Variants in TMEM18 observed in about 807,000 individuals in gnomAD.
TMEM18 encodes the protein transmembrane protein 18.
Under a neutral mutation model 17.4 loss-of-function variants are expected in TMEM18, and 14 were observed. The observed-to-expected ratio is 0.80, with a 90% CI of 0.53 to 1.25. TMEM18 has a LOEUF of 1.25. Among genes scored for constraint, TMEM18 ranks in the 50% most tolerant of loss-of-function variants. TMEM18 has a pLI of 0.00. For missense variants in TMEM18, 187 were observed against 172.1 expected, an observed-to-expected ratio of 1.09 and a Z score of -0.48; for synonymous variants, 86 against 66.1, an observed-to-expected ratio of 1.30 and a Z score of -1.46.
In TMEM18 at chr2:672,642, T is replaced by C. The variant is rs1306568155; in HGVS notation, c.233+166A>G. Among the ~76,000 whole-genome samples, 1 of 152,254 alleles carries C rather than the reference T, an allele frequency of 6.6e-6. No homozygotes were observed. Among genetic ancestry groups the C allele is most frequent in the Non-Finnish European group, 1.5e-5 (1 of 68,044 alleles). ...GGGCCACTGTGGCGCTGGTAAAGCA[T>C]TTACGGAGTCACCCTGGAGCCCACC... is the stretch of plus-strand genomic sequence containing the variant. On this transcript the variant is annotated intron_variant, in intron 3 of 4. Coordinates refer to ENST00000281017, the MANE Select transcript of TMEM18 (RefSeq NM_152834.4).
Position 670,102 on chromosome 2 carries a change from C to T in TMEM18, c.234-252G>A, listed in dbSNP as rs13430104. On this transcript the variant is annotated intron_variant, in intron 3 of 4. Coordinates refer to ENST00000281017, the MANE Select transcript of TMEM18 (RefSeq NM_152834.4). ...CCACCCAGCAGCACAGGAAAGACCC[C>T]GAGGCCTCCCCCAGCAGAGAGACGT... 2,285 of 442,108 alleles carry T rather than the reference C, an allele frequency of 5.2e-3. 12 individuals carry two copies. The highest frequency in any genetic ancestry group is 6.7e-3 in the Non-Finnish European group (1,672 of 248,596). The allele number at this position is 442,108 out of a possible 1,614,324, so 27.4% of individuals were successfully genotyped here.
intron 3 of TMEM18, chr2:670,070 GGA>G (rs1337832872): frequency 1.9e-6 from 1 of 525,540 alleles, no homozygotes; most frequent in Admixed American, 3.5e-5. Flanking sequence ...CACAGGACAG[GGA>G]GACACCACCC....
chr2:676,670 G>T (rs1298959634), intron 1 of TMEM18: 2 of 1,545,380 alleles, frequency 1.3e-6, no homozygotes, highest in Non-Finnish European at 1.7e-6. Context: ...TGGGGCGTGG[G>T]CTCCCCTGGG....
At chr2:676,722 C>G in intron 1 of TMEM18, 2 of 1,358,344 alleles carry the variant, frequency 1.5e-6, no homozygotes, top group Non-Finnish European at 2.0e-6. Flanking sequence ...CCCGCCCACA[C>G]TGGGCAGCGT....
rs1678791170 is a variant in TMEM18, at chr2:669,812, A to G, written c.272T>C (p.Met91Thr). 1 of 1,613,740 alleles carries G rather than the reference A, an allele frequency of 6.2e-7. No homozygotes were observed. The highest frequency in any genetic ancestry group is 1.3e-5 in the African/African-American group (1 of 74,916). The change falls in exon 4 of 5, where the codon ATG becomes ACG. Residue 91 changes from methionine (M) to threonine (T), a missense_variant. Physicochemically the swap from Met to Thr is moderately conservative, Grantham distance 81 (BLOSUM62 -1). Coordinates refer to ENST00000281017, the MANE Select transcript of TMEM18 (RefSeq NM_152834.4). ...GGCTGAAAATACTATAGAAATGAAC[A>G]TCCCCCTGGAGTCGAAATACTGGTA... Reference protein sequence around the residue: ...SKYQYFDSRGMFISIVFSAPL... With the variant: ...SKYQYFDSRGTFISIVFSAPL...
intron 1 of TMEM18, chr2:676,603 A>G: frequency 1.3e-6 from 2 of 1,550,352 alleles, no homozygotes; most frequent in South Asian, 2.4e-5. Context: ...AGGTGAGGGG[A>G]GCACGGCTTT....
chr2:671,138 G>A (rs187809707), intron 3 of TMEM18, among the ~76,000 whole-genome samples: 5 of 152,272 alleles, frequency 3.3e-5, no homozygotes, highest in East Asian at 1.9e-4. Context: ...TTTGTTAGAC[G>A]TCCTGGTGCC....
chr2:677,052 C>T (rs1572415392), intron 1 of TMEM18: 2 of 390,584 alleles, frequency 5.1e-6, no homozygotes, highest in South Asian at 5.6e-5. Context: ...CGCGCCCCGA[C>T]GCCCGGCCCC....
chr2:676,251 T>G (rs1458019133), intron 1 of TMEM18: 1 of 1,427,834 alleles, frequency 7.0e-7, no homozygotes. Context: ...GGGGACAGTG[T>G]CTGGCTCAGG....
At position 669,814 on chromosome 2, in the gene TMEM18, C is replaced by T. The variant is rs1162039558; in HGVS notation, c.270G>A (p.Gly90=). 1.1e-5 allele frequency: 17 copies of T among 1,613,588 alleles called. No homozygotes were observed. Among genetic ancestry groups the T allele is most frequent in the Non-Finnish European group, 1.4e-5 (17 of 1,179,962 alleles). The change falls in exon 4 of 5, where the codon GGG becomes GGA. Residue 90 remains glycine (G), a synonymous_variant. Coordinates refer to ENST00000281017, the MANE Select transcript of TMEM18 (RefSeq NM_152834.4). The part of the protein sequence containing the change: ...FSKYQYFDSR[G]MFISIVFSAP... ...CTGAAAATACTATAGAAATGAACAT[C>T]CCCCTGGAGTCGAAATACTGGTATT...
rs1678694753 is a variant in TMEM18 at position 666,509 on chromosome 2, T to C, written c.*3071A>G. 6.6e-6 allele frequency among the ~76,000 whole-genome samples: 1 copy of C among 152,176 alleles called. No individual in the cohort carries two copies. The highest frequency in any genetic ancestry group is 2.1e-4 in the South Asian group (1 of 4,834). ...AGAAAGCTTACCAGGCCGATGAGGA[T>C]GCTTGCTGTCAACTGTTCCAGCCCC... is the stretch of plus-strand genomic sequence containing the variant. On this transcript the variant is annotated 3_prime_UTR_variant, in exon 5 of 5. Transcript: ENST00000281017.
chr2:673,834 T>C (rs1336163011), intron 2 of TMEM18, among the ~76,000 whole-genome samples: 1 of 137,788 alleles, frequency 7.3e-6, no homozygotes, highest in Non-Finnish European at 1.6e-5. Flanking sequence ...GTGAGAAGGG[T>C]AGGCTAACAC....
In TMEM18 at chr2:668,031, G is replaced by A. The variant is rs1678738422; in HGVS notation, c.*1549C>T. 6.6e-6 allele frequency: 1 copy of A among 152,230 alleles called. No homozygotes were observed. Among genetic ancestry groups the A allele is most frequent in the Non-Finnish European group, 1.5e-5 (1 of 68,044 alleles). 9.4% of individuals were successfully genotyped at this position (152,230 alleles called of 1,614,324 possible). ...TTCCACATGGCCGGGGAGGCCTCGG[G>A]AAACTTACAATCATGGCAGAGGGAG... On this transcript the variant is annotated 3_prime_UTR_variant, in exon 5 of 5. Coordinates refer to ENST00000281017, the MANE Select transcript of TMEM18 (RefSeq NM_152834.4).
chr2:672,946 C>T (rs1678894653), intron 2 of TMEM18, 84 bp from the exon 3 acceptor site: 4 of 1,255,796 alleles, frequency 3.2e-6, no homozygotes, highest in Non-Finnish European at 4.3e-6. Flanking sequence ...CAGCAGAATA[C>T]TGAATAGAAA....
At chr2:676,392 T>C (rs1659213794) in intron 1 of TMEM18, 3 of 1,355,480 alleles carry the variant, frequency 2.2e-6, no homozygotes, top group Non-Finnish European at 3.0e-6. Context: ...AGCCCTGCCC[T>C]CCAAGCTGCA....
chr2:677,378 C>A lies in TMEM18; in HGVS notation c.-33G>T, dbSNP rs200690920. ...GGAAGCCCGCTCTCACAGCAACCGCCGAACCCGGCCTGGCCAGAATCCACA... is the reference window on the plus strand; with the variant it reads ...GGAAGCCCGCTCTCACAGCAACCGCAGAACCCGGCCTGGCCAGAATCCACA... On this transcript the variant is annotated 5_prime_UTR_variant, in exon 1 of 5. Coordinates refer to ENST00000281017, the MANE Select transcript of TMEM18 (RefSeq NM_152834.4). 53 of 1,606,606 alleles carry A rather than the reference C, an allele frequency of 3.3e-5. No homozygotes were observed. In the African/African-American group the frequency reaches 4.7e-4, roughly 14 times the overall value.
Position 669,413 on chromosome 2 carries a change from T to G in TMEM18, c.*167A>C, listed in dbSNP as rs1277946589. On this transcript the variant is annotated 3_prime_UTR_variant, in exon 5 of 5. Coordinates refer to ENST00000281017, the MANE Select transcript of TMEM18 (RefSeq NM_152834.4). ...CCTGATGGATACATTCAGTGCTGGC[T>G]GAAAAGCCAACTTCAGTGTGTGCCC... 9.8e-6 allele frequency: 7 copies of G among 716,436 alleles called. No homozygotes were observed. The highest frequency in any genetic ancestry group is 1.7e-5 in the Non-Finnish European group (7 of 413,504). 44.4% of individuals were successfully genotyped at this position (716,436 alleles called of 1,614,324 possible).
At chr2:672,088 C>G (rs935385143) in intron 3 of TMEM18, among the ~76,000 whole-genome samples, 1 of 152,154 alleles carries the variant, frequency 6.6e-6, no homozygotes, top group African/African-American at 2.4e-5. Context: ...GGTGAGGGCC[C>G]AAGATCAGTG....
chr2:673,986 C>G (rs1558181790), intron 2 of TMEM18, among the ~76,000 whole-genome samples: 2 of 152,150 alleles, frequency 1.3e-5, no homozygotes, highest in Non-Finnish European at 2.9e-5. Flanking sequence ...TCCTGAAATG[C>G]ACCCTGGAGC....
Sources: gnomAD v4.1 joint callset for allele counts (sites outside exome capture counted in the v4.1 genomes callset) on GRCh38, gnomAD v4.1.1 for gene constraint, MANE v1.5 for transcripts, NCBI Gene and HGNC (gene_info 2026-07-23, HGNC 2026-07-21) for gene names.